DIP2C: variants seen among roughly 807,000 people sequenced by gnomAD.
DIP2C encodes DIP2 acetate--CoA ligase C (putative).
DIP2C carries 33 observed loss-of-function variants against 192.4 expected under a neutral mutation model. That is an observed-to-expected ratio of 0.17 (90% CI 0.13 to 0.23). The LOEUF (loss-of-function observed/expected upper bound fraction) is 0.23. DIP2C is among the 10% of genes least tolerant of loss of function. DIP2C has a pLI of 1.00. For missense variants in DIP2C, 1,537 were observed against 2,110.1 expected (o/e 0.73, Z 5.32); for synonymous variants, 979 against 864.1 (o/e 1.13, Z -2.33).
At chr10:553,120 C>G (rs897963075) in intron 1 of DIP2C, among the ~76,000 whole-genome samples, 2 of 152,234 alleles carry the variant, frequency 1.3e-5, no homozygotes, top group African/African-American at 4.8e-5. Flanking sequence ...CACTGTTTTC[C>G]TGACCTCCCT....
At chr10:630,357 T>G (rs1854447916) in intron 1 of DIP2C, 1 of 152,234 alleles carries the variant, frequency 6.6e-6, no homozygotes, top group African/African-American at 2.4e-5. Flanking sequence ...ACAGTTGTAA[T>G]TATAGCTCTA....
intron 3 of DIP2C, among the ~76,000 whole-genome samples, chr10:460,619 T>A (rs768094266): frequency 1.1e-4 from 17 of 152,156 alleles, no homozygotes; most frequent in Non-Finnish European, 1.9e-4. Flanking sequence ...TGGAACAAGT[T>A]GGAAAACACT....
intron 3 of DIP2C, among the ~76,000 whole-genome samples, chr10:447,642 C>T (rs1968379515): frequency 7.1e-6 from 1 of 141,380 alleles, no homozygotes; most frequent in African/African-American, 3.0e-5. Context: ...GGATCACACA[C>T]AGTGGGGCAG....
At chr10:490,214 C>A (rs1253575021) in intron 1 of DIP2C, among the ~76,000 whole-genome samples, 2 of 152,218 alleles carry the variant, frequency 1.3e-5, no homozygotes. Context: ...GTGCCTGGGG[C>A]TTCCTCCATT....
chr10:420,026 G>A (rs76203347), intron 5 of DIP2C, among the ~76,000 whole-genome samples: 298 of 152,234 alleles, frequency 2.0e-3, no homozygotes, highest in African/African-American at 6.3e-3. Flanking sequence ...CGGGCGCCAC[G>A]ATGCGGATCG....
Position 388,089 on chromosome 10 carries a change from CCT to C in DIP2C, c.1598-282_1598-281del, listed in dbSNP as rs555966853. On this transcript the variant is annotated intron_variant, in intron 13 of 36. Coordinates refer to ENST00000280886, the MANE Select transcript of DIP2C (RefSeq NM_014974.3). ...TTCCTTCTCCTTTTATATATTTCCC[CCT>C]CTCTGCCTTTTTCTTTAAAAGATTT... 1.7e-3 allele frequency among the ~76,000 whole-genome samples: 258 copies of C among 152,098 alleles called. 1 individual carries two copies. The highest frequency in any genetic ancestry group is 5.4e-3 in the South Asian group (26 of 4,816).
rs182144608 is a variant in DIP2C at position 330,488 on chromosome 10, T to G, written c.3585-887A>C. 1.4e-4 allele frequency among the ~76,000 whole-genome samples: 22 copies of G among 152,228 alleles called. No homozygotes were observed. In the East Asian group the frequency reaches 3.5e-3, roughly 24 times the overall value. ...ATTAAAATAAAATATCCTAGATAAA[T>G]CACGTTCTAAGATTTACAATTTAAT... On this transcript the variant is annotated intron_variant, in intron 29 of 36. Coordinates refer to ENST00000280886, the MANE Select transcript of DIP2C (RefSeq NM_014974.3).
chr10:421,569 G>A (rs919960685), intron 5 of DIP2C, among the ~76,000 whole-genome samples: 4 of 152,096 alleles, frequency 2.6e-5, no homozygotes, highest in Non-Finnish European at 5.9e-5. Flanking sequence ...AACGTACTGT[G>A]ATTTCAAGTA....
intron 1 of DIP2C, among the ~76,000 whole-genome samples, chr10:513,228 T>C (rs1434865293): frequency 6.6e-6 from 1 of 152,240 alleles, no homozygotes; most frequent in African/African-American, 2.4e-5. Context: ...TTAGAATTTA[T>C]GACTCGCTTT....
At chr10:326,776 A>G (rs1385606860) in intron 31 of DIP2C, among the ~76,000 whole-genome samples, 1 of 152,184 alleles carries the variant, frequency 6.6e-6, no homozygotes, top group Non-Finnish European at 1.5e-5. Flanking sequence ...AAAAGTTAAA[A>G]TGTTCCAGGA....
intron 1 of DIP2C, chr10:630,729 T>C (rs1012428554): frequency 2.0e-5 from 3 of 152,260 alleles, no homozygotes; most frequent in Admixed American, 6.5e-5. Context: ...GGGAGTCTTG[T>C]CCTCAAGGAA....
intron 24 of DIP2C, 59 bp from the exon 25 acceptor site, chr10:349,513 G>A (rs1034602514): frequency 3.2e-6 from 5 of 1,568,512 alleles, no homozygotes; most frequent in African/African-American, 2.7e-5. Context: ...AGCTTGCAGA[G>A]AGCGCGCACG....
chr10:492,784 G>A (rs973852941), intron 1 of DIP2C, among the ~76,000 whole-genome samples: 1 of 152,132 alleles, frequency 6.6e-6, no homozygotes, highest in Non-Finnish European at 1.5e-5. Flanking sequence ...TCTTTGGTAC[G>A]TTAAGAACTC....
intron 1 of DIP2C, among the ~76,000 whole-genome samples, chr10:685,445 G>A (rs906316432): frequency 2.6e-5 from 4 of 152,016 alleles, no homozygotes; most frequent in Middle Eastern, 6.8e-3. Flanking sequence ...TACAAAGCAT[G>A]GCACCTATTT....
chr10:638,506 G>C (rs1259447082), intron 1 of DIP2C, among the ~76,000 whole-genome samples: 2 of 152,120 alleles, frequency 1.3e-5, no homozygotes, highest in African/African-American at 2.4e-5. Flanking sequence ...ACTGTGCATG[G>C]CAATTTCACC....
intron 1 of DIP2C, among the ~76,000 whole-genome samples, chr10:497,595 C>T (rs1055613292): frequency 2.6e-5 from 4 of 152,180 alleles, no homozygotes; most frequent in Non-Finnish European, 5.9e-5. Flanking sequence ...GAATCCAAAC[C>T]GTACGTAGTG....
At chr10:290,736 C>T (rs114746180) in intron 32 of DIP2C, among the ~76,000 whole-genome samples, 2,840 of 152,274 alleles carry the variant, frequency 0.019, 73 homozygotes, top group African/African-American at 0.065. Flanking sequence ...GGGTCAGAGG[C>T]CCCCACCTCA....
intron 1 of DIP2C, among the ~76,000 whole-genome samples, chr10:685,752 A>G (rs972006897): frequency 3.3e-5 from 5 of 152,152 alleles, no homozygotes; most frequent in African/African-American, 4.8e-5. Flanking sequence ...ACCTGAGGTA[A>G]AGAGTTCGAG....
intron 26 of DIP2C, 25 bp downstream of exon 26, chr10:348,616 G>A (rs767072916): frequency 3.1e-6 from 5 of 1,609,150 alleles, no homozygotes; most frequent in Admixed American, 1.7e-5. Flanking sequence ...GCAGGTGGAG[G>A]CCCCGACATT....
Sources: gnomAD v4.1 joint callset for allele counts (sites outside exome capture counted in the v4.1 genomes callset) on GRCh38, gnomAD v4.1.1 for gene constraint, MANE v1.5 for transcripts, NCBI Gene and HGNC (gene_info 2026-07-23, HGNC 2026-07-21) for gene names.